The following OSBPL6 variants were observed in gnomAD, a reference collection of about 807,000 sequenced individuals.
OSBPL6 encodes oxysterol-binding protein-related protein 6.
Under a neutral mutation model 125.8 loss-of-function variants are expected in OSBPL6, and 49 were observed. The ratio of observed to expected loss-of-function variants is 0.39; its 90% CI spans 0.31 to 0.49. The LOEUF is 0.49. OSBPL6 is among the 20% of genes least tolerant of loss of function. The pLI is 0.88. For synonymous variants in OSBPL6, 394 were observed against 391.8 expected, an observed-to-expected ratio of 1.01 and a Z score of -0.07; for missense variants, 986 against 1,135.4, an observed-to-expected ratio of 0.87 and a Z score of 1.89.
chr2:178,391,437 C>T (rs371030275), intron 22 of OSBPL6, among the ~76,000 whole-genome samples: 18 of 152,192 alleles, frequency 1.2e-4, no homozygotes, highest in East Asian at 3.8e-4. Flanking sequence ...TAGGCCAAAT[C>T]TCTGACAGGC....
chr2:178,359,267 A>G (rs753233401), intron 12 of OSBPL6, among the ~76,000 whole-genome samples: 41 of 152,252 alleles, frequency 2.7e-4, no homozygotes, highest in Non-Finnish European at 4.3e-4. Flanking sequence ...ATACTTCTCC[A>G]AAGATGACAT....
chr2:178,334,972 G>A (rs1347594859), intron 8 of OSBPL6, among the ~76,000 whole-genome samples: 1 of 152,152 alleles, frequency 6.6e-6, no homozygotes, highest in Non-Finnish European at 1.5e-5. Context: ...CATCAGGAAG[G>A]TTGGGAACTT....
At chr2:178,242,634 C>T (rs921449433) in intron 1 of OSBPL6, among the ~76,000 whole-genome samples, 1 of 152,136 alleles carries the variant, frequency 6.6e-6, no homozygotes, top group Non-Finnish European at 1.5e-5. Context: ...CCAAAGTCAA[C>T]CCTGGAATTA....
chr2:178,333,528 G>A (rs1689413128), intron 8 of OSBPL6, among the ~76,000 whole-genome samples: 1 of 152,178 alleles, frequency 6.6e-6, no homozygotes, highest in Non-Finnish European at 1.5e-5. Flanking sequence ...AAAGTTAATT[G>A]CAAGTATAAA....
At chr2:178,285,648 G>A (rs1284313237) in intron 2 of OSBPL6, among the ~76,000 whole-genome samples, 1 of 152,142 alleles carries the variant, frequency 6.6e-6, no homozygotes, top group African/African-American at 2.4e-5. Context: ...TGATATTTGT[G>A]GTTATTATTT....
At chr2:178,358,570 T>C (rs116353971) in intron 12 of OSBPL6, among the ~76,000 whole-genome samples, 2,927 of 152,260 alleles carry the variant, frequency 0.019, 78 homozygotes, top group African/African-American at 0.065. Flanking sequence ...AATTGGACCC[T>C]TATCTTACAC....
intron 1 of OSBPL6, among the ~76,000 whole-genome samples, chr2:178,243,299 A>G (rs2091362016): frequency 6.6e-6 from 1 of 152,194 alleles, no homozygotes; most frequent in African/African-American, 2.4e-5. Context: ...GAAATGGCAC[A>G]TATGCTTCAT....
At chr2:178,379,072 T>C (rs1247267157) in intron 15 of OSBPL6, among the ~76,000 whole-genome samples, 1 of 151,834 alleles carries the variant, frequency 6.6e-6, no homozygotes, top group Non-Finnish European at 1.5e-5. Context: ...TTCAGGAGGC[T>C]GAGGTGGGAG....
intron 2 of OSBPL6, among the ~76,000 whole-genome samples, chr2:178,298,709 T>TG (rs1014120711): frequency 4.0e-5 from 6 of 151,116 alleles, no homozygotes; most frequent in African/African-American, 1.5e-4. Context: ...TTTTTTTGTT[T>TG]TTTTTTTTTT....
chr2:178,326,656 T>C (rs2154074447), intron 4 of OSBPL6, among the ~76,000 whole-genome samples: 1 of 152,342 alleles, frequency 6.6e-6, no homozygotes, highest in South Asian at 2.1e-4. Context: ...TCTTACACAC[T>C]GTATTTGTAA....
At chr2:178,374,517 G>A (rs1693692696) in intron 15 of OSBPL6, among the ~76,000 whole-genome samples, 1 of 152,220 alleles carries the variant, frequency 6.6e-6, no homozygotes, top group Admixed American at 6.5e-5. Context: ...GTTAACCGCT[G>A]ACTATCATAA....
At chr2:178,268,715 A>G (rs1574692066) in intron 1 of OSBPL6, among the ~76,000 whole-genome samples, 2 of 150,986 alleles carry the variant, frequency 1.3e-5, no homozygotes, top group Non-Finnish European at 1.5e-5. Context: ...TTATTATTTC[A>G]TCATATGACT....
chr2:178,371,923 G>A (rs1048886805), intron 13 of OSBPL6, among the ~76,000 whole-genome samples: 5 of 152,044 alleles, frequency 3.3e-5, no homozygotes, highest in African/African-American at 4.8e-5. Context: ...CTGCAAAGTA[G>A]CAATCTTATT....
intron 1 of OSBPL6, among the ~76,000 whole-genome samples, chr2:178,265,670 G>A (rs1375211118): frequency 6.6e-6 from 1 of 152,142 alleles, no homozygotes; most frequent in African/African-American, 2.4e-5. Flanking sequence ...TTGGTGGGGA[G>A]TCTAATCTGG....
chr2:178,306,313 G>A (rs1559225402), intron 3 of OSBPL6, 27 bp downstream of exon 3: 6 of 1,428,976 alleles, frequency 4.2e-6, no homozygotes, highest in East Asian at 2.3e-5. Context: ...AAGTGCCTTT[G>A]GTTGTTTTAT....
chr2:178,339,705 C>T lies in OSBPL6; in HGVS notation c.928C>T (p.Arg310Trp), dbSNP rs150008222. The T allele has an allele frequency of 1.5e-4, 243 of 1,603,520 alleles. 1 individual carries two copies. The highest frequency in any genetic ancestry group is 4.5e-4 in the Admixed American group (26 of 58,376). The change falls in exon 11 of 25, where the codon CGG (arginine) becomes TGG (tryptophan). Residue 310 changes from arginine to tryptophan, a missense_variant. Transcript: ENST00000190611. ...TGTAGATATTTCAAAGAAAGACAAG[C>T]GGGTCACAAGACGATGGAGAACAAA... is the stretch of plus-strand genomic sequence containing the variant. ...NCVDISKKDK[R>W]VTRRWRTKSV...
chr2:178,279,301 G>A (rs333993), intron 1 of OSBPL6, among the ~76,000 whole-genome samples: 52,171 of 151,916 alleles, frequency 0.34, 9,126 homozygotes, highest in Non-Finnish European at 0.36. Context: ...GAACATGTGG[G>A]CAAAACCCAG....
intron 1 of OSBPL6, among the ~76,000 whole-genome samples, chr2:178,200,277 A>T (rs1574461077): frequency 9.4e-6 from 1 of 106,554 alleles, no homozygotes; most frequent in Admixed American, 1.3e-4. Flanking sequence ...TTTGAGATGG[A>T]GTCTCTCTCT....
chr2:178,236,241 G>A (rs577167829), intron 1 of OSBPL6, among the ~76,000 whole-genome samples: 3 of 152,120 alleles, frequency 2.0e-5, no homozygotes, highest in Non-Finnish European at 4.4e-5. Context: ...AAAATTATAA[G>A]TTTAGTGAGT....
Sources: allele counts gnomAD v4.1 joint callset (sites outside exome capture counted in the v4.1 genomes callset), GRCh38; gene constraint gnomAD v4.1.1; transcripts MANE v1.5; gene names NCBI Gene and HGNC (gene_info 2026-07-23, HGNC 2026-07-21).